Variants in DOCK8 observed in about 807,000 individuals in gnomAD.
DOCK8 encodes the protein dedicator of cytokinesis 8.
DOCK8 carries 141 observed loss-of-function variants against 245.6 expected under a neutral mutation model. The ratio of observed to expected loss-of-function variants is 0.57; its 90% confidence interval spans 0.50 to 0.66. The LOEUF (loss-of-function observed/expected upper bound fraction) is 0.66. Among genes scored for constraint, DOCK8 ranks in the 30% least tolerant of loss-of-function variants. DOCK8 has a pLI of 0.00. For missense variants in DOCK8, 2,965 were observed against 2,603.4 expected (o/e 1.14, Z -3.02); for synonymous variants, 1,168 against 970.2 (o/e 1.20, Z -3.79).
rs778918075 is a variant in DOCK8, at chr9:304,662, G to A, written c.486G>A (p.Thr162=). 23 of 1,614,032 alleles carry A rather than the reference G, an allele frequency of 1.4e-5. No homozygotes were observed. The highest frequency in any genetic ancestry group is 1.8e-5 in the Non-Finnish European group (21 of 1,180,034). Residue 162 remains threonine (T), a synonymous_variant, in exon 5 of 48, where the codon ACG becomes ACA. Coordinates refer to ENST00000432829, the MANE Select transcript of DOCK8 (RefSeq NM_203447.4). ...KDFHKTLPKQ[T]FESETLECSE... ...TTCACAAGACGCTTCCGAAACAGAC[G>A]TTTGAGTCGGAAACCTTGGAGTGCA...
chr9:333,403 C>CAT (rs1314829455), intron 10 of DOCK8, among the ~76,000 whole-genome samples: 1 of 152,144 alleles, frequency 6.6e-6, no homozygotes, highest in Middle Eastern at 3.2e-3. Flanking sequence ...AGATTGAGAC[C>CAT]ATCCTGGCCA....
intron 1 of DOCK8, among the ~76,000 whole-genome samples, chr9:229,034 A>C (rs2047047859): frequency 1.3e-5 from 2 of 152,170 alleles, no homozygotes; most frequent in South Asian, 4.1e-4. Context: ...GGAAGCTGCA[A>C]GGCTTCTTGA....
At chr9:307,711 T>G (rs1238141439) in intron 5 of DOCK8, among the ~76,000 whole-genome samples, 1 of 152,100 alleles carries the variant, frequency 6.6e-6, no homozygotes, top group East Asian at 1.9e-4. Context: ...GTCTCACTAC[T>G]AGATATATGT....
chr9:258,097 C>T (rs1401216601), intron 1 of DOCK8, among the ~76,000 whole-genome samples: 1 of 114,680 alleles, frequency 8.7e-6, no homozygotes, highest in African/African-American at 3.0e-5. Flanking sequence ...TCCATAAGTT[C>T]CATAGTTTAT....
In DOCK8 at chr9:433,869, T is replaced by A. The variant is rs1324563724; in HGVS notation, c.4786-6T>A. 6.2e-7 allele frequency: 1 copy of A among 1,610,826 alleles called. No homozygotes were observed. Among genetic ancestry groups the A allele is most frequent in the Non-Finnish European group, 8.5e-7 (1 of 1,177,120 alleles). The stretch of plus-strand genomic sequence containing the variant: ...AAGATTATTTTGAGGCTTACACTTT[T>A]TGCAGGTGGAGGAACTTCTCTGTAA... On this transcript the variant is annotated splice_region_variant and splice_polypyrimidine_tract_variant and intron_variant, in intron 37 of 47. Coordinates refer to ENST00000432829, the MANE Select transcript of DOCK8 (RefSeq NM_203447.4).
At chr9:251,908 G>A (rs972487795) in intron 1 of DOCK8, among the ~76,000 whole-genome samples, 1 of 151,556 alleles carries the variant, frequency 6.6e-6, no homozygotes, top group Non-Finnish European at 1.5e-5. Context: ...ACACCAAAAA[G>A]TAAGAAGAAT....
intron 39 of DOCK8, among the ~76,000 whole-genome samples, chr9:438,584 C>G (rs912784084): frequency 6.6e-6 from 1 of 152,214 alleles, no homozygotes; most frequent in Non-Finnish European, 1.5e-5. Context: ...AAGCGAGTAC[C>G]TCTCTAAATT....
chr9:364,659 AG>A (rs2052890026), intron 14 of DOCK8, among the ~76,000 whole-genome samples: 2 of 147,796 alleles, frequency 1.4e-5, no homozygotes, highest in African/African-American at 5.0e-5. Context: ...AAAAAAAAAA[AG>A]GTTTAATGTG....
At chr9:271,215 G>T (rs1014224769) in intron 1 of DOCK8, among the ~76,000 whole-genome samples, 2 of 152,222 alleles carry the variant, frequency 1.3e-5, no homozygotes, top group African/African-American at 4.8e-5. Flanking sequence ...AAAGGGTTCA[G>T]CTGCTTGAAA....
rs772645098 is a variant in DOCK8, at chr9:418,135, C to T, written c.3768C>T (p.Asn1256=). The T allele has an allele frequency of 3.7e-6, 6 of 1,614,194 alleles. No homozygotes were observed. Among genetic ancestry groups the T allele is most frequent in the Non-Finnish European group, 3.4e-6 (4 of 1,180,034 alleles). ...DEEQEGAGAI[N]QNVALAIAGN... ...AACAAGAAGGAGCCGGTGCCATTAA[C>T]CAGAATGTGGCTCTGGCCATAGCAG... Residue 1256 remains asparagine (N), a synonymous_variant, in exon 30 of 48, where the codon AAC becomes AAT. Transcript: ENST00000432829.
At chr9:263,642 G>A (rs1412601785) in intron 1 of DOCK8, among the ~76,000 whole-genome samples, 5 of 151,978 alleles carry the variant, frequency 3.3e-5, no homozygotes, top group Non-Finnish European at 7.4e-5. Flanking sequence ...TGGCTCTGCT[G>A]GTGATAAATT....
chr9:364,414 C>G (rs2052877653), intron 14 of DOCK8, among the ~76,000 whole-genome samples: 1 of 152,124 alleles, frequency 6.6e-6, no homozygotes. Context: ...AGGAGTATCA[C>G]TGAAGGCCAG....
At chr9:366,059 G>GCT (rs2052981831) in intron 14 of DOCK8, 1 of 175,950 alleles carries the variant, frequency 5.7e-6, no homozygotes, top group Non-Finnish European at 1.2e-5. Context: ...GCCTCTGCCT[G>GCT]CTCTGTGGCT....
At chr9:372,072 C>A in intron 17 of DOCK8, 113 bp from the exon 18 acceptor site, 1 of 914,334 alleles carries the variant, frequency 1.1e-6, no homozygotes, top group Non-Finnish European at 1.7e-6. Flanking sequence ...AAAAAGAGTA[C>A]TGGTCAATAT....
intron 28 of DOCK8, among the ~76,000 whole-genome samples, chr9:412,103 TAAAAC>T (rs986028496): frequency 8.6e-5 from 13 of 151,980 alleles, no homozygotes; most frequent in South Asian, 2.1e-4. Context: ...GGCAAAAAAA[TAAAAC>T]AAAAGACATC....
At chr9:404,826 C>G (rs1203839966) in intron 26 of DOCK8, 92 bp from the exon 27 acceptor site, 2 of 1,391,496 alleles carry the variant, frequency 1.4e-6, no homozygotes, top group Non-Finnish European at 2.0e-6. Flanking sequence ...ATTGCCTTAA[C>G]CTGGAGAGAA....
intron 44 of DOCK8, among the ~76,000 whole-genome samples, chr9:447,757 C>T (rs1037184426): frequency 2.6e-5 from 4 of 152,118 alleles, no homozygotes; most frequent in South Asian, 2.1e-4. Flanking sequence ...TGAATATATA[C>T]CTCATCAGGC....
rs143822795 is a variant in DOCK8, at chr9:328,168, C to G, written c.1041C>G (p.Val347=). 8 of 1,613,406 alleles carry G rather than the reference C, an allele frequency of 5.0e-6. No individual in the cohort carries two copies. Among genetic ancestry groups the G allele is most frequent in the Middle Eastern group, 1.7e-4 (1 of 6,060 alleles). The change falls in exon 9 of 48, where the codon GTC becomes GTG. Residue 347 remains valine (V), a synonymous_variant. Coordinates refer to ENST00000432829, the MANE Select transcript of DOCK8 (RefSeq NM_203447.4). The part of the protein sequence containing the change: ...TYPSSDIYLV[V]KIEKVLQQGE... Reference sequence around the variant, plus strand: ...CGTCCTCAGACATCTACCTGGTAGTCAAGGTAATTCAGTACGATCTGATTT... The same window carrying G: ...CGTCCTCAGACATCTACCTGGTAGTGAAGGTAATTCAGTACGATCTGATTT...
In DOCK8 at chr9:403,915, T is replaced by TAC. The variant is rs1192782528; in HGVS notation, c.3235-1001_3235-1000dup. On this transcript the variant is annotated intron_variant, in intron 26 of 47. Transcript: ENST00000432829. ...CTCTATATATATATATATATATATATACATATATATATATGTGTATATATA... is the reference window on the plus strand; with the variant it reads ...CTCTATATATATATATATATATATATACACATATATATATATGTGTATATATA... 2.5e-3 allele frequency among the ~76,000 whole-genome samples: 205 copies of TAC among 81,240 alleles called. 2 individuals are homozygous for TAC. The highest frequency in any genetic ancestry group is 0.014 in the African/African-American group (183 of 13,302). 53.3% of individuals were successfully genotyped at this position (81,240 alleles called of 152,430 possible). A position where few individuals can be genotyped will look rare whatever the true frequency, so the allele number is the denominator to read the frequency against.
Sources: gnomAD v4.1 joint callset for allele counts (sites outside exome capture counted in the v4.1 genomes callset) on GRCh38, gnomAD v4.1.1 for gene constraint, MANE v1.5 for transcripts, NCBI Gene and HGNC (gene_info 2026-07-23, HGNC 2026-07-21) for gene names.